Variants in CMKLR2 observed in about 807,000 individuals in gnomAD.
CMKLR2 encodes chemerin-like receptor 2.
In CMKLR2, 18 loss-of-function variants were observed where a neutral mutation model predicts 23.0. The ratio of observed to expected loss-of-function variants is 0.78; its 90% CI spans 0.54 to 1.16. CMKLR2 has a LOEUF of 1.16. Among genes scored for constraint, CMKLR2 ranks in the 50% most tolerant of loss-of-function variants. The pLI, the probability that CMKLR2 is intolerant of heterozygous loss-of-function variation, is 0.00. For synonymous variants in CMKLR2, 158 were observed against 158.9 expected (o/e 0.99, Z 0.05); for missense variants, 401 against 412.7 (o/e 0.97, Z 0.25).
At chr2:206,217,477 G>C (rs911090183), upstream of CMKLR2, 19 of 152,312 alleles carry the variant, frequency 1.2e-4, no homozygotes, top group African/African-American at 4.6e-4. Flanking sequence ...AAATGAGGAC[G>C]AAGCCTTGTC....
At chr2:206,203,868 A>T (rs1002624297) in intron 1 of CMKLR2, 3 of 152,250 alleles carry the variant, frequency 2.0e-5, no homozygotes, top group African/African-American at 7.2e-5. Flanking sequence ...CATAGATACT[A>T]AATCAAATAC....
At chr2:206,179,175 A>C (rs2105799964) in intron 1 of CMKLR2, among the ~76,000 whole-genome samples, 1 of 139,924 alleles carries the variant, frequency 7.1e-6, no homozygotes, top group South Asian at 2.2e-4. Context: ...CCCGGGTTCA[A>C]GCAATTCTCC....
chr2:206,202,902 C>T (rs1287323416), intron 1 of CMKLR2, among the ~76,000 whole-genome samples: 1 of 152,040 alleles, frequency 6.6e-6, no homozygotes, highest in Admixed American at 6.6e-5. Context: ...TTTCCTATTG[C>T]GGACACCTCC....
intron 1 of CMKLR2, among the ~76,000 whole-genome samples, chr2:206,179,922 A>T (rs1436821505): frequency 6.6e-6 from 1 of 152,170 alleles, no homozygotes; most frequent in African/African-American, 2.4e-5. Flanking sequence ...CTCAAATTCA[A>T]TTTGACTATC....
intron 1 of CMKLR2, among the ~76,000 whole-genome samples, chr2:206,210,689 G>A (rs937957028): frequency 1.3e-5 from 2 of 151,860 alleles, no homozygotes; most frequent in African/African-American, 2.4e-5. Context: ...TCAAACTCCC[G>A]AACTCAGGTG....
At chr2:206,204,499 T>A (rs1007806490) in intron 1 of CMKLR2, among the ~76,000 whole-genome samples, 4 of 152,176 alleles carry the variant, frequency 2.6e-5, no homozygotes, top group African/African-American at 9.6e-5. Flanking sequence ...AATTTAATGA[T>A]CAATGGCTCT....
intron 1 of CMKLR2, among the ~76,000 whole-genome samples, chr2:206,180,008 C>T (rs1373399093): frequency 6.6e-6 from 1 of 152,148 alleles, no homozygotes; most frequent in Admixed American, 6.6e-5. Context: ...TATTCCCTTC[C>T]TCCCAACCCT....
At chr2:206,188,212 G>A (rs1559087505) in intron 1 of CMKLR2, among the ~76,000 whole-genome samples, 1 of 152,146 alleles carries the variant, frequency 6.6e-6, no homozygotes, top group Non-Finnish European at 1.5e-5. Flanking sequence ...GGGATTACAG[G>A]TGTGAGCCAC....
intron 1 of CMKLR2, among the ~76,000 whole-genome samples, chr2:206,193,910 T>G (rs1185901888): frequency 1.3e-5 from 2 of 152,208 alleles, no homozygotes; most frequent in African/African-American, 2.4e-5. Flanking sequence ...GATGTTTTGG[T>G]TCTCAATCAC....
In CMKLR2 at chr2:206,193,068, C is replaced by T. The variant is rs750519322; in HGVS notation, c.-28-15793G>A. ...GATTTTTTTTCTTCTGAATATTTTT[C>T]GTCTGTGAAACTCAGATATGGAGGG... On this transcript the variant is annotated intron_variant, in intron 1 of 1. Coordinates refer to ENST00000621141, the MANE Select transcript of CMKLR2 (RefSeq NM_001389445.1). Among the ~76,000 whole-genome samples, 29 of 152,016 alleles carry T rather than the reference C, an allele frequency of 1.9e-4. 1 individual carries two copies. Among genetic ancestry groups the T allele is most frequent in the Admixed American group, 1.2e-3 (18 of 15,256 alleles).
At chr2:206,196,285 A>T (rs935865427) in intron 1 of CMKLR2, among the ~76,000 whole-genome samples, 1 of 152,100 alleles carries the variant, frequency 6.6e-6, no homozygotes, top group African/African-American at 2.4e-5. Flanking sequence ...GAGGCAGGAG[A>T]ATCGCTGGAA....
In CMKLR2 at chr2:206,204,373, A is replaced by T. The variant is rs995962337; in HGVS notation, c.-29+8934T>A. On this transcript the variant is annotated intron_variant, in intron 1 of 1. Transcript: ENST00000621141. ...CATCTCAAAAAAAAAAAAAAAAAAA[A>T]AGTGCAATATCATTGTTATGACTTT... Among the ~76,000 whole-genome samples, 9 of 151,098 alleles carry T rather than the reference A, an allele frequency of 6.0e-5. No homozygotes were observed. The South Asian group carries it at 1.9e-3, about 32-fold the overall frequency.
intron 1 of CMKLR2, among the ~76,000 whole-genome samples, chr2:206,188,222 C>T (rs1688643354): frequency 6.6e-6 from 1 of 152,118 alleles, no homozygotes; most frequent in Non-Finnish European, 1.5e-5. Flanking sequence ...GTGTGAGCCA[C>T]CACACCCAGC....
chr2:206,175,795 C>G lies in CMKLR2; in HGVS notation c.*385G>C, dbSNP rs1170897731. The G allele has an allele frequency of 6.5e-6, 1 of 154,716 alleles. No homozygotes were observed. Among genetic ancestry groups the G allele is most frequent in the Non-Finnish European group, 1.4e-5 (1 of 69,944 alleles). The allele number at this position is 154,716 out of a possible 1,614,324, so 9.6% of individuals were successfully genotyped here. A position where few individuals can be genotyped will look rare whatever the true frequency, so the allele number is the denominator to read the frequency against. On this transcript the variant is annotated 3_prime_UTR_variant, in exon 2 of 2. Coordinates refer to ENST00000621141, the MANE Select transcript of CMKLR2 (RefSeq NM_001389445.1). Reference sequence around the variant, plus strand: ...TACAGGTGTCAGCCACCGTGCCTGGCTAATCATATATTTAATATTAAGACT... The same window carrying G: ...TACAGGTGTCAGCCACCGTGCCTGGGTAATCATATATTTAATATTAAGACT...
At chr2:206,214,415 C>G (rs1689683122), upstream of CMKLR2, among the ~76,000 whole-genome samples, 1 of 151,918 alleles carries the variant, frequency 6.6e-6, no homozygotes, top group African/African-American at 2.4e-5. Flanking sequence ...CCACCTCGGT[C>G]TCCCAAAGTG....
At chr2:206,199,037 T>C (rs1488219936) in intron 1 of CMKLR2, among the ~76,000 whole-genome samples, 2 of 152,236 alleles carry the variant, frequency 1.3e-5, no homozygotes, top group Non-Finnish European at 2.9e-5. Context: ...AACTAGAATG[T>C]AGGGAGAGAG....
At chr2:206,200,573 A>G (rs1323470810) in intron 1 of CMKLR2, among the ~76,000 whole-genome samples, 1 of 152,232 alleles carries the variant, frequency 6.6e-6, no homozygotes, top group Non-Finnish European at 1.5e-5. Flanking sequence ...AAATGTCTTG[A>G]CACTTATACC....
At chr2:206,177,796 TGTAAA>T (rs1688281261) in intron 1 of CMKLR2, among the ~76,000 whole-genome samples, 1 of 152,222 alleles carries the variant, frequency 6.6e-6, no homozygotes, top group South Asian at 2.1e-4. Flanking sequence ...AGTTCCTTTC[TGTAAA>T]GTATTTAGTA....
chr2:206,181,121 G>A (rs564549290), intron 1 of CMKLR2, among the ~76,000 whole-genome samples: 38 of 150,468 alleles, frequency 2.5e-4, no homozygotes, highest in African/African-American at 8.3e-4. Context: ...GCAGTGGTGC[G>A]ATCTCGGCTC....
Sources: allele counts gnomAD v4.1 joint callset (sites outside exome capture counted in the v4.1 genomes callset), GRCh38; gene constraint gnomAD v4.1.1; transcripts MANE v1.5; gene names NCBI Gene and HGNC (gene_info 2026-07-23, HGNC 2026-07-21).